RALYL: variants seen among roughly 807,000 people sequenced by gnomAD.
RALYL encodes RALY RNA binding protein like, also known as RNA-binding Raly-like protein.
Under a neutral mutation model 35.1 loss-of-function variants are expected in RALYL, and 29 were observed. That is an observed-to-expected ratio of 0.83 (90% CI 0.61 to 1.13). The LOEUF (loss-of-function observed/expected upper bound fraction) is 1.13, where lower values mean the gene tolerates loss of function less well. Ranked by LOEUF, RALYL falls within the 50% of genes most tolerant of loss-of-function variation. RALYL has a pLI of 0.00. For synonymous variants in RALYL, 120 were observed against 127.6 expected, an observed-to-expected ratio of 0.94 and a Z score of 0.40; for missense variants, 359 against 360.4, an observed-to-expected ratio of 1.00 and a Z score of 0.03.
chr8:84,313,010 C>T (rs368579156), intron 1 of RALYL, among the ~76,000 whole-genome samples: 1 of 152,218 alleles, frequency 6.6e-6, no homozygotes, highest in African/African-American at 2.4e-5. Context: ...CATTTCCATA[C>T]ATCCTCTGAA....
At chr8:84,869,280 T>C (rs1015881820) in intron 6 of RALYL, among the ~76,000 whole-genome samples, 2 of 152,206 alleles carry the variant, frequency 1.3e-5, no homozygotes, top group East Asian at 3.8e-4. Context: ...CATCATCAGA[T>C]TCTCAGATTC....
chr8:84,324,041 G>A (rs1845351372), intron 1 of RALYL, among the ~76,000 whole-genome samples: 1 of 152,026 alleles, frequency 6.6e-6, no homozygotes, highest in Non-Finnish European at 1.5e-5. Flanking sequence ...ATAGAACTGT[G>A]CTGTACTAAA....
intron 2 of RALYL, among the ~76,000 whole-genome samples, chr8:84,583,834 T>C (rs1811384946): frequency 1.3e-5 from 2 of 152,308 alleles, no homozygotes; most frequent in African/African-American, 4.8e-5. Context: ...ATTATAGGAC[T>C]GTCATAAAAA....
At chr8:84,211,819 T>C (rs375694580) in intron 1 of RALYL, among the ~76,000 whole-genome samples, 4 of 152,006 alleles carry the variant, frequency 2.6e-5, no homozygotes, top group South Asian at 4.1e-4. Flanking sequence ...ACCTGGAAAA[T>C]TAACCCTAGG....
intron 2 of RALYL, among the ~76,000 whole-genome samples, chr8:84,707,874 G>T (rs1048523165): frequency 6.6e-6 from 1 of 151,982 alleles, no homozygotes; most frequent in Non-Finnish European, 1.5e-5. Flanking sequence ...AGAAAAACTG[G>T]AATTTTCCCA....
At chr8:84,625,301 T>G (rs1277598489) in intron 2 of RALYL, among the ~76,000 whole-genome samples, 1 of 152,172 alleles carries the variant, frequency 6.6e-6, no homozygotes, top group African/African-American at 2.4e-5. Context: ...AATTATAGGA[T>G]GCAATAGGAA....
chr8:84,559,343 C>A (rs942366369), intron 2 of RALYL, among the ~76,000 whole-genome samples: 9 of 151,856 alleles, frequency 5.9e-5, no homozygotes, highest in African/African-American at 2.2e-4. Flanking sequence ...GTCTTAGAAG[C>A]AATTAAGAAC....
intron 2 of RALYL, among the ~76,000 whole-genome samples, chr8:84,609,759 A>G (rs1308948419): frequency 2.6e-5 from 4 of 152,160 alleles, no homozygotes; most frequent in Non-Finnish European, 5.9e-5. Flanking sequence ...TTGATGTGTT[A>G]GTCTGTTCTC....
At chr8:84,703,241 C>A (rs1202073898) in intron 2 of RALYL, among the ~76,000 whole-genome samples, 2 of 152,066 alleles carry the variant, frequency 1.3e-5, no homozygotes, top group Middle Eastern at 3.2e-3. Context: ...AGATTCAAGC[C>A]ACTAGGCCCA....
chr8:84,789,826 A>G (rs1820374163), intron 3 of RALYL, among the ~76,000 whole-genome samples: 1 of 152,230 alleles, frequency 6.6e-6, no homozygotes, highest in East Asian at 1.9e-4. Flanking sequence ...CTCCAGCCAG[A>G]GCCACAGAGT....
At chr8:84,414,234 AT>A (rs2044388415) in intron 1 of RALYL, among the ~76,000 whole-genome samples, 1 of 152,206 alleles carries the variant, frequency 6.6e-6, no homozygotes, top group East Asian at 1.9e-4. Context: ...ATCAATAATT[AT>A]TTTTTGTAGC....
intron 2 of RALYL, among the ~76,000 whole-genome samples, chr8:84,671,368 G>A (rs1163396331): frequency 6.6e-6 from 1 of 152,136 alleles, no homozygotes; most frequent in African/African-American, 2.4e-5. Context: ...GGAGGATGGG[G>A]GCCCTCTTCT....
At chr8:84,463,752 G>A (rs994811896) in intron 1 of RALYL, among the ~76,000 whole-genome samples, 8 of 151,838 alleles carry the variant, frequency 5.3e-5, no homozygotes, top group African/African-American at 1.9e-4. Context: ...TTCTAACTAA[G>A]GTTTACTGGG....
intron 2 of RALYL, among the ~76,000 whole-genome samples, chr8:84,733,866 G>T (rs1369388903): frequency 6.6e-6 from 1 of 152,172 alleles, no homozygotes; most frequent in Non-Finnish European, 1.5e-5. Flanking sequence ...AGATGCTACT[G>T]ATTTGCATGT....
At chr8:84,647,917 T>C (rs1277261664) in intron 2 of RALYL, among the ~76,000 whole-genome samples, 1 of 152,130 alleles carries the variant, frequency 6.6e-6, no homozygotes, top group Non-Finnish European at 1.5e-5. Flanking sequence ...AATCATTTTG[T>C]ACCTAATTTT....
At chr8:84,888,103 T>C (rs1217701930) in intron 8 of RALYL, among the ~76,000 whole-genome samples, 1 of 152,246 alleles carries the variant, frequency 6.6e-6, no homozygotes, top group Non-Finnish European at 1.5e-5. Context: ...GAACTATATG[T>C]GGATATAATA....
intron 2 of RALYL, among the ~76,000 whole-genome samples, chr8:84,677,675 T>G (rs1206993724): frequency 1.3e-5 from 2 of 152,198 alleles, no homozygotes; most frequent in Non-Finnish European, 2.9e-5. Flanking sequence ...TGATATTTTG[T>G]GCAATAAAAG....
chr8:84,447,028 A>G (rs971541838), intron 1 of RALYL, among the ~76,000 whole-genome samples: 2 of 152,128 alleles, frequency 1.3e-5, no homozygotes, highest in Non-Finnish European at 2.9e-5. Flanking sequence ...AAAGCTTAAA[A>G]TGCAGTTCAG....
At chr8:84,210,846 G>A (rs1352805805) in intron 1 of RALYL, among the ~76,000 whole-genome samples, 1 of 151,096 alleles carries the variant, frequency 6.6e-6, no homozygotes, top group Admixed American at 6.6e-5. Context: ...TTTAGCATCA[G>A]TGTCATGTCA....
Sources: allele counts gnomAD v4.1 joint callset (sites outside exome capture counted in the v4.1 genomes callset), GRCh38; gene constraint gnomAD v4.1.1; transcripts MANE v1.5; gene names NCBI Gene and HGNC (gene_info 2026-07-23, HGNC 2026-07-21).